CFAP20DC: variants seen among roughly 807,000 people sequenced by gnomAD.
The protein encoded by CFAP20DC is CFAP20 domain containing.
A neutral mutation model predicts 101.7 loss-of-function variants in CFAP20DC; 84 were observed. That is an observed-to-expected ratio of 0.83 (90% CI 0.69 to 0.99). The LOEUF is 0.99. CFAP20DC is among the 50% of genes least tolerant of loss of function. CFAP20DC has a pLI of 0.00. For synonymous variants in CFAP20DC, 359 were observed against 351.2 expected, an observed-to-expected ratio of 1.02 and a Z score of -0.25; for missense variants, 1,007 against 970.3, an observed-to-expected ratio of 1.04 and a Z score of -0.50.
At chr3:58,920,261 T>A (rs927231440) in intron 5 of CFAP20DC, among the ~76,000 whole-genome samples, 3 of 151,898 alleles carry the variant, frequency 2.0e-5, no homozygotes, top group Non-Finnish European at 4.4e-5. Flanking sequence ...TGGCTAATTT[T>A]AAAAAATTAT....
chr3:58,828,003 A>T (rs71311891), intron 14 of CFAP20DC, among the ~76,000 whole-genome samples: 6,274 of 152,256 alleles, frequency 0.041, 177 homozygotes, highest in Middle Eastern at 0.11. Flanking sequence ...CTTTAGAGCT[A>T]AGTCTTGAGG....
chr3:58,796,631 G>A (rs930380601), intron 15 of CFAP20DC, among the ~76,000 whole-genome samples: 8 of 152,108 alleles, frequency 5.3e-5, no homozygotes, highest in Non-Finnish European at 7.4e-5. Flanking sequence ...ACAGCTTCAG[G>A]TTCTCTCTCT....
At chr3:58,841,856 G>A (rs961036246) in intron 13 of CFAP20DC, among the ~76,000 whole-genome samples, 8 of 152,110 alleles carry the variant, frequency 5.3e-5, no homozygotes, top group Non-Finnish European at 1.2e-4. Flanking sequence ...GAGCTATAAA[G>A]TCTGTTATAT....
At chr3:58,945,799 C>A (rs928455045) in intron 4 of CFAP20DC, among the ~76,000 whole-genome samples, 5 of 151,224 alleles carry the variant, frequency 3.3e-5, no homozygotes, top group African/African-American at 1.2e-4. Context: ...CTGGTTCAAG[C>A]GATTCTCCTG....
At chr3:58,937,607 A>C in intron 5 of CFAP20DC, 41 bp downstream of exon 5, 1 of 1,206,456 alleles carries the variant, frequency 8.3e-7, no homozygotes, top group South Asian at 1.2e-5. Flanking sequence ...TATTTGTTGA[A>C]TTGAATTTAA....
At chr3:58,989,884 T>C (rs2108604230) in intron 4 of CFAP20DC, among the ~76,000 whole-genome samples, 1 of 152,290 alleles carries the variant, frequency 6.6e-6, no homozygotes, top group East Asian at 1.9e-4. Context: ...GCATGAGCTA[T>C]AGCAGAAACA....
At chr3:59,019,012 G>C (rs759850161) in intron 4 of CFAP20DC, 1 of 152,046 alleles carries the variant, frequency 6.6e-6, no homozygotes, top group Non-Finnish European at 1.5e-5. Context: ...GTGAATATGC[G>C]TGAAAGGTAT....
rs1214864263 is a variant in CFAP20DC at position 58,964,550 on chromosome 3, T to C, written c.279-26788A>G. Among the ~76,000 whole-genome samples the C allele has an allele frequency of 6.6e-6, 1 of 152,204 alleles. No individual in the cohort carries two copies. Among genetic ancestry groups the C allele is most frequent in the Non-Finnish European group, 1.5e-5 (1 of 68,032 alleles). On this transcript the variant is annotated intron_variant, in intron 4 of 16. Coordinates refer to ENST00000482387, the MANE Select transcript of CFAP20DC (RefSeq NM_001394063.1). The surrounding 1 kb of genome is among the most constrained non-coding windows in gnomAD (Gnocchi z 4.1). ...GGGTTTTAAGCTGGAAACAATGCTC[T>C]CGCCTGTGGCTTGTAATCCCCTTTT... is the stretch of plus-strand genomic sequence containing the variant.
chr3:58,737,214 G>A, downstream of CFAP20DC: 1 of 456,506 alleles, frequency 2.2e-6, no homozygotes, highest in Non-Finnish European at 4.4e-6. This position sits in a 1 kb window ranked among gnomAD's most constrained non-coding sequence, Gnocchi z 4.1. Context: ...GGTCAGGAGT[G>A]TGTGAAATAT....
At chr3:58,986,491 A>T (rs1208202827) in intron 4 of CFAP20DC, among the ~76,000 whole-genome samples, 1 of 152,158 alleles carries the variant, frequency 6.6e-6, no homozygotes, top group Non-Finnish European at 1.5e-5. Context: ...CTGTGAAAGG[A>T]GTTCTAGAAA....
intron 4 of CFAP20DC, among the ~76,000 whole-genome samples, chr3:59,011,134 A>T (rs866197400): frequency 1.3e-5 from 2 of 152,200 alleles, no homozygotes; most frequent in African/African-American, 2.4e-5. Flanking sequence ...ATGGTGGCTC[A>T]CGCCTGTAAT....
At chr3:58,833,097 T>C (rs1177369329) in intron 13 of CFAP20DC, among the ~76,000 whole-genome samples, 22 of 152,300 alleles carry the variant, frequency 1.4e-4, no homozygotes, top group Non-Finnish European at 2.9e-5. Context: ...AAATACATAA[T>C]TTTGAAAAAA....
intron 5 of CFAP20DC, among the ~76,000 whole-genome samples, chr3:58,933,341 C>T (rs1438909394): frequency 6.6e-6 from 1 of 151,588 alleles, no homozygotes; most frequent in Non-Finnish European, 1.5e-5. Flanking sequence ...TAACACCCCA[C>T]TGTCAACATT....
chr3:58,900,514 T>A (rs1013168352), intron 6 of CFAP20DC, among the ~76,000 whole-genome samples: 2 of 152,234 alleles, frequency 1.3e-5, no homozygotes, highest in African/African-American at 4.8e-5. Flanking sequence ...CTTTCAGACA[T>A]GTTCTATCTT....
At chr3:58,989,401 C>T (rs1423683140) in intron 4 of CFAP20DC, among the ~76,000 whole-genome samples, 2 of 151,990 alleles carry the variant, frequency 1.3e-5, no homozygotes, top group African/African-American at 4.8e-5. Flanking sequence ...TAAATTCTTC[C>T]TAGAGTTTCA....
chr3:58,766,780 C>T (rs575092328), intron 15 of CFAP20DC, among the ~76,000 whole-genome samples: 3 of 152,346 alleles, frequency 2.0e-5, no homozygotes, highest in South Asian at 2.1e-4. Flanking sequence ...CCTACCATCA[C>T]TGGGCCTTTG....
Position 58,809,264 on chromosome 3 carries a change from A to G in CFAP20DC, c.2176-2808T>C, listed in dbSNP as rs1419642009. On this transcript the variant is annotated intron_variant, in intron 14 of 16. Coordinates refer to ENST00000482387, the MANE Select transcript of CFAP20DC (RefSeq NM_001394063.1). ...CAGAATATACATTTTTTTCAGCACC[A>G]CACCACACCTATTCCAAAATTGACC... 1.2e-4 allele frequency among the ~76,000 whole-genome samples: 19 copies of G among 152,180 alleles called. No individual in the cohort carries two copies. The East Asian group carries it at 3.5e-3, about 28-fold the overall frequency.
chr3:58,774,680 T>C (rs2071160273), intron 15 of CFAP20DC, among the ~76,000 whole-genome samples: 1 of 152,214 alleles, frequency 6.6e-6, no homozygotes, highest in East Asian at 1.9e-4. Flanking sequence ...TTTTAAGATG[T>C]GAATGTGAAG....
intron 4 of CFAP20DC, among the ~76,000 whole-genome samples, chr3:59,010,400 A>G (rs6795763): frequency 0.24 from 36,566 of 151,876 alleles, 5,065 homozygotes; most frequent in African/African-American, 0.38. Context: ...AAGCAAGCAG[A>G]AGTAGCTATT....
Sources: allele counts gnomAD v4.1 joint callset (sites outside exome capture counted in the v4.1 genomes callset), GRCh38; gene constraint gnomAD v4.1.1; non-coding constraint Gnocchi (gnomAD v3.1); transcripts MANE v1.5; gene names NCBI Gene and HGNC (gene_info 2026-07-23, HGNC 2026-07-21).